VPS13B: variants seen among roughly 807,000 people sequenced by gnomAD.
VPS13B encodes intermembrane lipid transfer protein VPS13B.
In VPS13B, 285 loss-of-function variants were observed where a neutral mutation model predicts 426.4. The ratio of observed to expected loss-of-function variants is 0.67; its 90% CI spans 0.61 to 0.74. The LOEUF is 0.74. Ranked by LOEUF, VPS13B falls within the 30% of genes least tolerant of loss-of-function variation. VPS13B has a pLI of 0.00. For synonymous variants in VPS13B, 1,676 were observed against 1,676.4 expected, an observed-to-expected ratio of 1.00 and a Z score of 0.01; for missense variants, 4,537 against 4,782.6, an observed-to-expected ratio of 0.95 and a Z score of 1.51.
At chr8:99,654,511 T>G (rs956243378) in intron 34 of VPS13B, among the ~76,000 whole-genome samples, 1 of 152,134 alleles carries the variant, frequency 6.6e-6, no homozygotes, top group Non-Finnish European at 1.5e-5. Context: ...AGAAAATATA[T>G]TTTCTCCAAG....
chr8:99,602,355 A>G (rs1563819160), intron 33 of VPS13B, among the ~76,000 whole-genome samples: 1 of 152,190 alleles, frequency 6.6e-6, no homozygotes. Flanking sequence ...CCATTGGTCT[A>G]TATATCAATT....
At chr8:99,667,807 GC>G (rs906470323) in intron 35 of VPS13B, among the ~76,000 whole-genome samples, 3 of 152,140 alleles carry the variant, frequency 2.0e-5, no homozygotes, top group Admixed American at 2.0e-4. Context: ...CATTAAAACA[GC>G]TTTTACCATA....
chr8:99,676,462 T>C (rs1341144268), intron 35 of VPS13B, among the ~76,000 whole-genome samples: 1 of 151,970 alleles, frequency 6.6e-6, no homozygotes, highest in Non-Finnish European at 1.5e-5. Flanking sequence ...GTCTGCCTGA[T>C]GCTAGATTTT....
At chr8:99,335,533 G>A (rs1053806565) in intron 19 of VPS13B, among the ~76,000 whole-genome samples, 4 of 152,092 alleles carry the variant, frequency 2.6e-5, no homozygotes, top group African/African-American at 9.7e-5. Context: ...GCAGGAGAAG[G>A]AAATAAAGGG....
At chr8:99,221,034 C>T (rs376086625) in intron 17 of VPS13B, among the ~76,000 whole-genome samples, 56 of 94,718 alleles carry the variant, frequency 5.9e-4, no homozygotes, top group African/African-American at 2.3e-3. Context: ...TGAGAATATG[C>T]GGTGTTTGGT....
At chr8:99,372,558 A>G (rs1029188989) in intron 19 of VPS13B, among the ~76,000 whole-genome samples, 1 of 152,238 alleles carries the variant, frequency 6.6e-6, no homozygotes, top group African/African-American at 2.4e-5. Flanking sequence ...CAAACATATG[A>G]AAAAAAGTTC....
chr8:99,378,637 A>T lies in VPS13B; in HGVS notation c.2825-5571A>T, dbSNP rs149741408. 8.1e-4 allele frequency among the ~76,000 whole-genome samples: 123 copies of T among 152,334 alleles called. 3 individuals carry two copies. In the East Asian group the frequency reaches 0.023, roughly 28 times the overall value. ...AAATCTTCACAATTTATGTTCTTCC[A>T]TCAGGGTTTCAGCAGGTCCTTCCAT... On this transcript the variant is annotated intron_variant, in intron 19 of 61. Coordinates refer to ENST00000357162, the MANE Select transcript of VPS13B (RefSeq NM_152564.5).
chr8:99,661,241 T>C, intron 34 of VPS13B, 113 bp from the exon 35 acceptor site: 2 of 1,324,792 alleles, frequency 1.5e-6, no homozygotes, highest in African/African-American at 2.9e-5. Context: ...ACAATGAAGC[T>C]TGCAAACAGT....
Position 99,541,746 on chromosome 8 carries a change from T to G in VPS13B, c.4746-14704T>G, listed in dbSNP as rs1421996203. Among the ~76,000 whole-genome samples, 4 of 146,282 alleles carry G rather than the reference T, an allele frequency of 2.7e-5. No homozygotes were observed. The East Asian group carries it at 7.7e-4, about 28-fold the overall frequency. ...TTCCTTAAGAAAAAAATGTATCTTTTTATTAAGAATGCCCTAATGGTGTTT... is the reference window on the plus strand; with the variant it reads ...TTCCTTAAGAAAAAAATGTATCTTTGTATTAAGAATGCCCTAATGGTGTTT... On this transcript the variant is annotated intron_variant, in intron 30 of 61. Transcript: ENST00000357162.
intron 19 of VPS13B, among the ~76,000 whole-genome samples, chr8:99,327,017 C>T (rs925724974): frequency 6.6e-6 from 1 of 152,154 alleles, no homozygotes; most frequent in Non-Finnish European, 1.5e-5. Flanking sequence ...GAGATTTCTT[C>T]CCCTACCCTC....
intron 3 of VPS13B, among the ~76,000 whole-genome samples, chr8:99,081,184 T>A (rs1845433488): frequency 6.6e-6 from 1 of 152,228 alleles, no homozygotes; most frequent in Non-Finnish European, 1.5e-5. Context: ...CTCCCATCCT[T>A]ACATGACAAT....
chr8:99,607,838 A>T (rs1827666160), intron 33 of VPS13B, among the ~76,000 whole-genome samples: 1 of 152,142 alleles, frequency 6.6e-6, no homozygotes, highest in Non-Finnish European at 1.5e-5. Context: ...AATGCCTTAG[A>T]TGTAAACATA....
At chr8:99,164,424 ACT>A (rs1247327914) in intron 15 of VPS13B, among the ~76,000 whole-genome samples, 1 of 151,850 alleles carries the variant, frequency 6.6e-6, no homozygotes, top group Non-Finnish European at 1.5e-5. Context: ...TAAAAACAAC[ACT>A]CTTCCCCTAA....
intron 19 of VPS13B, among the ~76,000 whole-genome samples, chr8:99,297,666 T>TA (rs953790216): frequency 1.3e-5 from 2 of 152,258 alleles, no homozygotes; most frequent in African/African-American, 4.8e-5. Flanking sequence ...AACTATGTGC[T>TA]AGTGGTTAGC....
In VPS13B at chr8:99,877,017, T is replaced by C. The variant is rs1817729119; in HGVS notation, c.*1351T>C. On this transcript the variant is annotated 3_prime_UTR_variant, in exon 62 of 62. Coordinates refer to ENST00000357162, the MANE Select transcript of VPS13B (RefSeq NM_152564.5). ...ACACCACCACAGGTATGCACCACCA[T>C]ACCTGGCTGATTTTTAAAATTTTTT... The C allele has an allele frequency of 6.6e-6, 1 of 152,182 alleles. No individual in the cohort carries two copies. The highest frequency in any genetic ancestry group is 2.1e-4 in the South Asian group (1 of 4,824). 9.4% of individuals were successfully genotyped at this position (152,182 alleles called of 1,614,324 possible).
intron 5 of VPS13B, among the ~76,000 whole-genome samples, chr8:99,109,918 T>C (rs754846143): frequency 1.3e-5 from 2 of 152,182 alleles, no homozygotes; most frequent in Non-Finnish European, 2.9e-5. Context: ...ATAATTGTTA[T>C]CATAAAGAGA....
At chr8:99,753,249 T>C (rs569764240) in intron 39 of VPS13B, among the ~76,000 whole-genome samples, 11 of 152,312 alleles carry the variant, frequency 7.2e-5, no homozygotes, top group African/African-American at 2.6e-4. Context: ...TAGTTCTTAT[T>C]CTATCTTCCT....
intron 40 of VPS13B, among the ~76,000 whole-genome samples, chr8:99,773,296 C>T (rs1260361569): frequency 1.2e-4 from 18 of 152,188 alleles, no homozygotes; most frequent in Non-Finnish European, 2.4e-4. Flanking sequence ...TCTGCTTAAT[C>T]TCACAATCAT....
chr8:99,334,989 G>T (rs1810747818), intron 19 of VPS13B, among the ~76,000 whole-genome samples: 1 of 152,030 alleles, frequency 6.6e-6, no homozygotes, highest in African/African-American at 2.4e-5. Context: ...TCTGGTCCTG[G>T]ACTCTTTTTG....
Sources: gnomAD v4.1 joint callset for allele counts (sites outside exome capture counted in the v4.1 genomes callset) on GRCh38, gnomAD v4.1.1 for gene constraint, MANE v1.5 for transcripts, NCBI Gene and HGNC (gene_info 2026-07-23, HGNC 2026-07-21) for gene names.